The following DMXL1 variants were observed in gnomAD, a reference collection of about 807,000 sequenced individuals.
The protein encoded by DMXL1 is dmX-like protein 1.
Under a neutral mutation model 319.2 loss-of-function variants are expected in DMXL1, and 99 were observed. That is an observed-to-expected ratio of 0.31 (90% confidence interval 0.26 to 0.37). The LOEUF is 0.37. DMXL1 is among the 10% of genes least tolerant of loss of function. DMXL1 has a pLI of 1.00. For synonymous variants in DMXL1, 1,385 were observed against 1,235.2 expected (o/e 1.12, Z -2.54); for missense variants, 3,745 against 3,595.6 (o/e 1.04, Z -1.06).
chr5:119,140,272 A>G (rs1767010707), intron 13 of DMXL1, among the ~76,000 whole-genome samples: 1 of 152,240 alleles, frequency 6.6e-6, no homozygotes, highest in African/African-American at 2.4e-5. Context: ...AATCAAAATC[A>G]GAGATGAACT....
At chr5:119,163,480 G>A (rs1294580927) in intron 19 of DMXL1, among the ~76,000 whole-genome samples, 8 of 151,906 alleles carry the variant, frequency 5.3e-5, no homozygotes, top group East Asian at 1.9e-4. Context: ...GCAGTGGCAC[G>A]ATCTTGCCTC....
At chr5:119,072,308 C>G (rs575238391) in intron 1 of DMXL1, among the ~76,000 whole-genome samples, 115 of 152,014 alleles carry the variant, frequency 7.6e-4, no homozygotes, top group African/African-American at 2.2e-3. Flanking sequence ...AAGAGGGCAC[C>G]AAATTTCGGG....
intron 1 of DMXL1, among the ~76,000 whole-genome samples, chr5:119,082,060 CACGTAT>C (rs1752373292): frequency 6.9e-6 from 1 of 145,208 alleles, no homozygotes; most frequent in Non-Finnish European, 1.5e-5. Context: ...CACACACATA[CACGTAT>C]ATACATGTTC....
intron 30 of DMXL1, among the ~76,000 whole-genome samples, chr5:119,195,283 G>A (rs141784924): frequency 1.5e-3 from 222 of 152,256 alleles, no homozygotes; most frequent in African/African-American, 5.2e-3. Context: ...ACTGAAACAG[G>A]TATTTGTACT....
chr5:119,162,972 G>A (rs1772591338), intron 19 of DMXL1, among the ~76,000 whole-genome samples: 1 of 152,150 alleles, frequency 6.6e-6, no homozygotes, highest in African/African-American at 2.4e-5. Context: ...AAAGCCACAT[G>A]CTATAATTAA....
intron 11 of DMXL1, 21 bp from the exon 12 acceptor site, chr5:119,133,473 C>T (rs771698670): frequency 6.3e-7 from 1 of 1,590,582 alleles, no homozygotes; most frequent in Non-Finnish European, 8.5e-7. Flanking sequence ...TATGTTCTAA[C>T]ACTTGCTTTC....
intron 28 of DMXL1, among the ~76,000 whole-genome samples, chr5:119,184,922 A>G (rs1777430951): frequency 6.6e-6 from 1 of 152,158 alleles, no homozygotes; most frequent in African/African-American, 2.4e-5. Flanking sequence ...TGTGGCATTC[A>G]GGGTGATTGA....
At chr5:119,159,887 G>A (rs1771911215) in intron 19 of DMXL1, among the ~76,000 whole-genome samples, 1 of 152,190 alleles carries the variant, frequency 6.6e-6, no homozygotes, top group African/African-American at 2.4e-5. Context: ...GTCTTCTAAA[G>A]TGCTGGTATT....
At chr5:119,169,255 C>A (rs1475738931) in intron 23 of DMXL1, among the ~76,000 whole-genome samples, 2 of 152,156 alleles carry the variant, frequency 1.3e-5, no homozygotes, top group African/African-American at 4.8e-5. Context: ...TTTTTACATA[C>A]TTTTATTATG....
intron 5 of DMXL1, among the ~76,000 whole-genome samples, chr5:119,112,262 G>A (rs969375382): frequency 6.6e-6 from 1 of 152,276 alleles, no homozygotes; most frequent in Non-Finnish European, 1.5e-5. Context: ...TGCCCGGCCT[G>A]ATAATATCTT....
chr5:119,241,439 G>A (rs1311107478), intron 42 of DMXL1, among the ~76,000 whole-genome samples: 1 of 151,558 alleles, frequency 6.6e-6, no homozygotes, highest in Non-Finnish European at 1.5e-5. Flanking sequence ...GGAGGCTGAG[G>A]CAGGAGAATG....
chr5:119,125,055 T>C (rs937971455), intron 9 of DMXL1, among the ~76,000 whole-genome samples: 2 of 152,238 alleles, frequency 1.3e-5, no homozygotes, highest in African/African-American at 4.8e-5. Context: ...TAATCTCCTT[T>C]GCAATAGATA....
intron 32 of DMXL1, among the ~76,000 whole-genome samples, chr5:119,202,936 T>C (rs1781090258): frequency 6.8e-6 from 1 of 147,224 alleles, no homozygotes; most frequent in African/African-American, 2.5e-5. Flanking sequence ...TATAATTTCT[T>C]ACCTTCAGGT....
chr5:119,110,141 T>A lies in DMXL1; in HGVS notation c.365-10T>A. ...CCTAAATAATAAATGAGGAATAATA[T>A]TTTTTTTAGGCAGTCGTCTTTTAAC... On this transcript the variant is annotated splice_polypyrimidine_tract_variant and intron_variant, in intron 4 of 43. Transcript: ENST00000539542. 1 of 1,563,956 alleles carries A rather than the reference T, an allele frequency of 6.4e-7. No homozygotes were observed. Among genetic ancestry groups the A allele is most frequent in the Non-Finnish European group, 8.7e-7 (1 of 1,152,612 alleles).
Position 119,196,376 on chromosome 5 carries a change from C to T in DMXL1, c.7463C>T (p.Ser2488Phe). The T allele has an allele frequency of 6.2e-7, 1 of 1,613,468 alleles. No homozygotes were observed. The highest frequency in any genetic ancestry group is 1.1e-5 in the South Asian group (1 of 91,066). ...CATCGTTGCTTTATTTTTAGTTGGTCCTTGATGCGGTTGGCGATGGTGCAA... is the reference window on the plus strand; with the variant it reads ...CATCGTTGCTTTATTTTTAGTTGGTTCTTGATGCGGTTGGCGATGGTGCAA... ...EHSNSNSYSW[S>F]LMRLAMVQLV... is the part of the protein sequence containing the mutation. Residue 2488 changes from serine to phenylalanine, a missense_variant, in exon 31 of 44, where the codon TCC becomes TTC. By Grantham distance (155) the Ser-to-Phe change is radical. Coordinates refer to ENST00000539542, the MANE Select transcript of DMXL1 (RefSeq NM_001290321.3).
At chr5:119,218,734 C>T (rs1784136720) in intron 35 of DMXL1, among the ~76,000 whole-genome samples, 1 of 152,216 alleles carries the variant, frequency 6.6e-6, no homozygotes, top group South Asian at 2.1e-4. Flanking sequence ...GCTGGGATTA[C>T]AGGCGTGAGC....
At chr5:119,076,489 AAG>A (rs910485337) in intron 1 of DMXL1, among the ~76,000 whole-genome samples, 1 of 152,180 alleles carries the variant, frequency 6.6e-6, no homozygotes, top group Non-Finnish European at 1.5e-5. Context: ...CATGTGAAGA[AAG>A]AGAAAGGTGT....
chr5:119,218,705 T>C (rs370160803), intron 35 of DMXL1, among the ~76,000 whole-genome samples: 1 of 152,146 alleles, frequency 6.6e-6, no homozygotes, highest in East Asian at 1.9e-4. Flanking sequence ...GTGATCCGCC[T>C]GCCTCGGCCT....
At chr5:119,236,262 G>A (rs761774795) in intron 39 of DMXL1, 4 of 151,960 alleles carry the variant, frequency 2.6e-5, no homozygotes, top group Non-Finnish European at 5.9e-5. Context: ...AAAAATGGCT[G>A]TATCAATTTA....
Sources: gnomAD v4.1 joint callset for allele counts (sites outside exome capture counted in the v4.1 genomes callset) on GRCh38, gnomAD v4.1.1 for gene constraint, MANE v1.5 for transcripts, NCBI Gene and HGNC (gene_info 2026-07-23, HGNC 2026-07-21) for gene names.